The following ECT2L variants were observed in gnomAD, a reference collection of about 807,000 sequenced individuals.
ECT2L encodes epithelial cell transforming 2 like.
In ECT2L, 126 loss-of-function variants were observed where a neutral mutation model predicts 122.8. The observed-to-expected ratio is 1.03, with a 90% CI of 0.89 to 1.19. ECT2L has a LOEUF of 1.19. Among genes scored for constraint, ECT2L ranks in the 50% most tolerant of loss-of-function variants. ECT2L has a pLI of 0.00. For missense variants in ECT2L, 1,012 were observed against 1,064.1 expected (o/e 0.95, Z 0.68); for synonymous variants, 385 against 381.8 (o/e 1.01, Z -0.10).
rs146259541 is a variant in ECT2L at position 138,850,341 on chromosome 6, C to T, written c.1069+907C>T. Among the ~76,000 whole-genome samples, 591 of 152,168 alleles carry T rather than the reference C, an allele frequency of 3.9e-3. 2 individuals carry two copies. The highest frequency in any genetic ancestry group is 0.014 in the African/African-American group (566 of 41,526). On this transcript the variant is annotated intron_variant, in intron 9 of 21. Transcript: ENST00000541398. ...TCTATTTTTAGTAGAGACAGGGTTCCACTATGTTGGCCAGGATGGTCTTGC... is the reference window on the plus strand; with the variant it reads ...TCTATTTTTAGTAGAGACAGGGTTCTACTATGTTGGCCAGGATGGTCTTGC...
At chr6:138,840,109 T>C (rs1776984808) in intron 5 of ECT2L, among the ~76,000 whole-genome samples, 1 of 152,200 alleles carries the variant, frequency 6.6e-6, no homozygotes, top group African/African-American at 2.4e-5. Flanking sequence ...AGATTGTTAT[T>C]TAAAAATTCA....
intron 14 of ECT2L, 62 bp from the exon 15 acceptor site, chr6:138,880,895 C>G: frequency 6.8e-7 from 1 of 1,467,276 alleles, no homozygotes; most frequent in Admixed American, 1.8e-5. Context: ...CGTGTAGCTG[C>G]CTGACTGCTC....
At chr6:138,891,807 C>CTCTT (rs138989100) in intron 20 of ECT2L, among the ~76,000 whole-genome samples, 88,966 of 151,562 alleles carry the variant, frequency 0.59, 26,489 homozygotes, top group Non-Finnish European at 0.64. Flanking sequence ...CAGAATAAAT[C>CTCTT]TATTTTACAC....
intron 4 of ECT2L, among the ~76,000 whole-genome samples, chr6:138,834,301 C>T (rs766643879): frequency 1.3e-5 from 2 of 151,950 alleles, no homozygotes; most frequent in Non-Finnish European, 2.9e-5. Context: ...AATGTCATTA[C>T]TACAAACTAC....
chr6:138,863,765 G>A (rs560471284), intron 11 of ECT2L, among the ~76,000 whole-genome samples: 1 of 151,698 alleles, frequency 6.6e-6, no homozygotes, highest in South Asian at 2.1e-4. Context: ...ACAGGCATGT[G>A]CCACCACGCC....
chr6:138,888,979 C>G lies in ECT2L; in HGVS notation c.2362C>G (p.Gln788Glu). 6.5e-7 allele frequency: 1 copy of G among 1,543,270 alleles called. No homozygotes were observed. Among genetic ancestry groups the G allele is most frequent in the Non-Finnish European group, 8.8e-7 (1 of 1,138,964 alleles). The part of the protein sequence containing the change: ...SEVNRYLIRV[Q>E]DVAQLHCCDE... Reference sequence around the variant, plus strand: ...AGTAAACAGATATCTGATTAGGGTACAAGATGTAGCCCAACTTCATTGCTG... The same window carrying G: ...AGTAAACAGATATCTGATTAGGGTAGAAGATGTAGCCCAACTTCATTGCTG... The change falls in exon 20 of 22, where the codon CAA becomes GAA. Residue 788 changes from glutamine to glutamate, a missense_variant. Gln to Glu is a conservative substitution (Grantham distance 29, BLOSUM62 2). Transcript: ENST00000541398.
chr6:138,849,539 G>T (rs1777357921), intron 9 of ECT2L, 105 bp downstream of exon 9: 8 of 1,165,090 alleles, frequency 6.9e-6, no homozygotes, highest in South Asian at 6.2e-5. Flanking sequence ...TTGCTAAGAC[G>T]TGTTGATTTT....
At chr6:138,864,961 A>C (rs1488469666) in intron 11 of ECT2L, 35 bp from the exon 12 acceptor site, 1 of 1,586,632 alleles carries the variant, frequency 6.3e-7, no homozygotes. Context: ...ATCTGAGCTC[A>C]AGCCTGCAAT....
At chr6:138,819,299 C>T (rs1776187851) in intron 4 of ECT2L, among the ~76,000 whole-genome samples, 1 of 150,500 alleles carries the variant, frequency 6.6e-6, no homozygotes, top group Admixed American at 6.6e-5. Flanking sequence ...AAAGCCAAAG[C>T]TCTTTTTTTT....
intron 20 of ECT2L, among the ~76,000 whole-genome samples, chr6:138,892,742 C>T (rs890139312): frequency 6.6e-6 from 1 of 152,182 alleles, no homozygotes; most frequent in African/African-American, 2.4e-5. Context: ...ATCTGCCCAC[C>T]TTGGCTTCTC....
intron 6 of ECT2L, 45 bp downstream of exon 6, chr6:138,843,276 A>G (rs747153707): frequency 6.7e-7 from 1 of 1,488,352 alleles, no homozygotes; most frequent in Non-Finnish European, 9.0e-7. Flanking sequence ...AATATTGTAG[A>G]CACAAATGGA....
intron 4 of ECT2L, among the ~76,000 whole-genome samples, chr6:138,818,983 G>A (rs952550873): frequency 2.6e-5 from 4 of 152,114 alleles, no homozygotes; most frequent in African/African-American, 9.7e-5. Context: ...ACTAAAGTTT[G>A]GTCAAGCAGA....
chr6:138,868,016 A>AAAAAAAAG, intron 12 of ECT2L, 87 bp from the exon 13 acceptor site: 2 of 701,724 alleles, frequency 2.9e-6, no homozygotes, highest in Non-Finnish European at 4.3e-6. Context: ...AAAAAAAAAA[A>AAAAAAAAG]AAAGAAACTG....
At chr6:138,840,285 A>T (rs771880002) in intron 5 of ECT2L, among the ~76,000 whole-genome samples, 2 of 152,202 alleles carry the variant, frequency 1.3e-5, no homozygotes, top group Non-Finnish European at 2.9e-5. Flanking sequence ...GCACCCACGC[A>T]GTTCAAACCC....
In ECT2L at chr6:138,868,150, C is replaced by A. The variant is rs1458349881; in HGVS notation, c.1522C>A (p.Gln508Lys). The A allele has an allele frequency of 6.2e-7, 1 of 1,613,584 alleles. No individual in the cohort carries two copies. Among genetic ancestry groups the A allele is most frequent in the Non-Finnish European group, 8.5e-7 (1 of 1,179,698 alleles). Residue 508 changes from glutamine to lysine, a missense_variant, in exon 13 of 22, where the codon CAA becomes AAA. Physicochemically the swap from Gln to Lys is moderately conservative, Grantham distance 53. Transcript: ENST00000541398. ...GGGTATGACCAACATTCTAAACAAC[C>A]AAGATACTGCGCAAGCTCTGGCAGA... is the stretch of plus-strand genomic sequence containing the variant. The part of the protein sequence containing the change: ...TMGMTNILNN[Q>K]DTAQALADGL...
chr6:138,805,097 C>T (rs573691100), intron 1 of ECT2L, among the ~76,000 whole-genome samples: 1 of 152,332 alleles, frequency 6.6e-6, no homozygotes, highest in African/African-American at 2.4e-5. Context: ...ATTTTATTCG[C>T]AGCTTCCTCT....
At chr6:138,837,481 A>T (rs1776880543) in intron 4 of ECT2L, among the ~76,000 whole-genome samples, 1 of 152,164 alleles carries the variant, frequency 6.6e-6, no homozygotes, top group South Asian at 2.1e-4. Context: ...ATTCAGGAGA[A>T]ATGACTGGCA....
At position 138,840,701 on chromosome 6, in the gene ECT2L, CT is replaced by C. The variant is rs995043749; in HGVS notation, c.342+2194del. Among the ~76,000 whole-genome samples the C allele has an allele frequency of 2.6e-5, 4 of 151,632 alleles. No individual in the cohort carries two copies. In the East Asian group the frequency reaches 7.7e-4, roughly 29 times the overall value. The stretch of plus-strand genomic sequence containing the variant: ...CTATCATCTCTAGCTGCTTTTTGGA[CT>C]TTTTTTCTTTCATTTTCAGTAATGT... On this transcript the variant is annotated intron_variant, in intron 5 of 21. Coordinates refer to ENST00000541398, the MANE Select transcript of ECT2L (RefSeq NM_001077706.3).
intron 4 of ECT2L, among the ~76,000 whole-genome samples, chr6:138,825,953 CT>C (rs1221953618): frequency 6.6e-6 from 1 of 152,222 alleles, no homozygotes; most frequent in Non-Finnish European, 1.5e-5. Flanking sequence ...TTTTCTCCCC[CT>C]GCCTTAGTCA....
Sources: gnomAD v4.1 joint callset for allele counts (sites outside exome capture counted in the v4.1 genomes callset) on GRCh38, gnomAD v4.1.1 for gene constraint, MANE v1.5 for transcripts, NCBI Gene and HGNC (gene_info 2026-07-23, HGNC 2026-07-21) for gene names.